ITGA1: variants seen among roughly 807,000 people sequenced by gnomAD.
ITGA1 encodes integrin subunit alpha 1, also known as integrin alpha-1.
Under a neutral mutation model 145.9 loss-of-function variants are expected in ITGA1, and 85 were observed. The observed-to-expected ratio is 0.58, with a 90% CI of 0.49 to 0.70. The LOEUF (loss-of-function observed/expected upper bound fraction) is 0.70. Among genes scored for constraint, ITGA1 ranks in the 30% least tolerant of loss-of-function variants. ITGA1 has a pLI of 0.00. For synonymous variants in ITGA1, 520 were observed against 495.3 expected (o/e 1.05, Z -0.66); for missense variants, 1,351 against 1,418.7 (o/e 0.95, Z 0.77).
At chr5:52,881,120 G>A (rs948942369) in intron 6 of ITGA1, among the ~76,000 whole-genome samples, 4 of 152,196 alleles carry the variant, frequency 2.6e-5, no homozygotes, top group Admixed American at 1.3e-4. Context: ...AGGAAAGAAG[G>A]TGGAGTTGGG....
chr5:52,811,646 C>A (rs937827374), intron 1 of ITGA1, among the ~76,000 whole-genome samples: 1 of 152,056 alleles, frequency 6.6e-6, no homozygotes, highest in Non-Finnish European at 1.5e-5. Context: ...GGTGGTAGGA[C>A]AATTGTTTGA....
intron 6 of ITGA1, among the ~76,000 whole-genome samples, chr5:52,875,441 T>G (rs1749852929): frequency 6.6e-6 from 1 of 152,214 alleles, no homozygotes; most frequent in Non-Finnish European, 1.5e-5. Flanking sequence ...TGCCATAGCC[T>G]GAATCAGCCT....
Position 52,884,870 on chromosome 5 carries a change from T to C in ITGA1, c.773+2849T>C, listed in dbSNP as rs553716348. 4.3e-3 allele frequency among the ~76,000 whole-genome samples: 657 copies of C among 152,312 alleles called. 7 individuals are homozygous for C. Among genetic ancestry groups the C allele is most frequent in the South Asian group, 0.017 (84 of 4,826 alleles). On this transcript the variant is annotated intron_variant, in intron 7 of 28. Transcript: ENST00000282588. ...AATTCAATTCAGTTCTGACACCAACTAGAGTTTATGCAAACCTCCCACAGA... is the reference window on the plus strand; with the variant it reads ...AATTCAATTCAGTTCTGACACCAACCAGAGTTTATGCAAACCTCCCACAGA...
chr5:52,881,293 C>T (rs1032203599), intron 6 of ITGA1, among the ~76,000 whole-genome samples: 1 of 152,152 alleles, frequency 6.6e-6, no homozygotes, highest in Non-Finnish European at 1.5e-5. Context: ...TCTTTCCATT[C>T]TTAGGGTAGA....
intron 11 of ITGA1, chr5:52,904,385 G>A (rs1750364052): frequency 6.6e-6 from 1 of 151,986 alleles, no homozygotes; most frequent in South Asian, 2.1e-4. Flanking sequence ...TACTGAAATA[G>A]AACAAATTTT....
intron 12 of ITGA1, among the ~76,000 whole-genome samples, 192 bp from the exon 13 acceptor site, chr5:52,908,706 G>A (rs958918312): frequency 6.6e-6 from 1 of 152,134 alleles, no homozygotes; most frequent in African/African-American, 2.4e-5. Context: ...CTCAAAGATG[G>A]AACCGACTGA....
Position 52,888,678 on chromosome 5 carries a change from A to T in ITGA1, c.924+713A>T, listed in dbSNP as rs112290564. Among the ~76,000 whole-genome samples the T allele has an allele frequency of 2.4e-3, 364 of 152,354 alleles. 1 individual carries two copies. Among genetic ancestry groups the T allele is most frequent in the Non-Finnish European group, 4.1e-3 (282 of 68,032 alleles). On this transcript the variant is annotated intron_variant, in intron 8 of 28. Coordinates refer to ENST00000282588, the MANE Select transcript of ITGA1 (RefSeq NM_181501.2). ...TAAAAAGTTACCCAAATGGTATGCC[A>T]ATTACTTCAGAGCTAGCTCTAGTTT...
Position 52,911,605 on chromosome 5 carries a change from A to ATATATATAGTGTATCTACTATATATAC in ITGA1, c.1857+1218_1857+1244dup, listed in dbSNP as rs1561246417. Among the ~76,000 whole-genome samples, 73 of 45,324 alleles carry ATATATATAGTGTATCTACTATATATAC rather than the reference A, an allele frequency of 1.6e-3. 1 individual carries two copies. Among genetic ancestry groups the ATATATATAGTGTATCTACTATATATAC allele is most frequent in the Non-Finnish European group, 3.2e-3 (57 of 18,086 alleles). 29.7% of individuals were successfully genotyped at this position (45,324 alleles called of 152,430 possible). A position where few individuals can be genotyped will look rare whatever the true frequency, so the allele number is the denominator to read the frequency against. ...ATATAGTGTATCTACTATATATACTATATATATAGTGTATCTACTATATAT... is the reference window on the plus strand; with the variant it reads ...ATATAGTGTATCTACTATATATACTATATATATAGTGTATCTACTATATATACTATATATAGTGTATCTACTATATAT... On this transcript the variant is annotated intron_variant, in intron 14 of 28. Transcript: ENST00000282588.
chr5:52,835,642 G>A (rs1749150506), intron 1 of ITGA1, among the ~76,000 whole-genome samples: 1 of 152,156 alleles, frequency 6.6e-6, no homozygotes, highest in Admixed American at 6.5e-5. Flanking sequence ...ATTGGGTGAT[G>A]AATTTATAGA....
At chr5:52,910,027 T>C in intron 13 of ITGA1, 135 bp from the exon 14 acceptor site, 2 of 830,280 alleles carry the variant, frequency 2.4e-6, no homozygotes, top group South Asian at 3.8e-5. Flanking sequence ...TAGGCACACT[T>C]TTTAAGAAAT....
intron 1 of ITGA1, among the ~76,000 whole-genome samples, chr5:52,812,853 GA>G (rs1412863927): frequency 8.6e-5 from 11 of 127,636 alleles, no homozygotes; most frequent in African/African-American, 3.5e-4. Context: ...ATCAGCCATG[GA>G]AATATGATGC....
At chr5:52,952,356 C>G in intron 28 of ITGA1, 51 bp from the exon 29 acceptor site, 2 of 973,136 alleles carry the variant, frequency 2.1e-6, no homozygotes, top group Non-Finnish European at 3.0e-6. Context: ...TTAATATTTG[C>G]TACCTAAATT....
At position 52,956,263 on chromosome 5, in the gene ITGA1, T is replaced by C. The variant is rs940049035; in HGVS notation, c.*3812T>C. Reference sequence around the variant, plus strand: ...TCTACTCCATGGGAACTGACTGTCCTGCTTTTCACAACATTGAGAAACAGG... The same window carrying C: ...TCTACTCCATGGGAACTGACTGTCCCGCTTTTCACAACATTGAGAAACAGG... On this transcript the variant is annotated 3_prime_UTR_variant, in exon 29 of 29. Transcript: ENST00000282588. 6.6e-6 allele frequency: 1 copy of C among 152,196 alleles called. No homozygotes were observed. The highest frequency in any genetic ancestry group is 2.1e-4 in the South Asian group (1 of 4,824). 9.4% of individuals were successfully genotyped at this position (152,196 alleles called of 1,614,324 possible).
chr5:52,942,816 C>G (rs1488617530), intron 26 of ITGA1, among the ~76,000 whole-genome samples: 1 of 151,878 alleles, frequency 6.6e-6, no homozygotes, highest in Admixed American at 6.6e-5. Flanking sequence ...GCTGGGATTA[C>G]AGGCGTGAGC....
At chr5:52,948,056 G>A (rs1751161751) in intron 28 of ITGA1, among the ~76,000 whole-genome samples, 1 of 152,082 alleles carries the variant, frequency 6.6e-6, no homozygotes, top group Non-Finnish European at 1.5e-5. Flanking sequence ...CAAATTCTGT[G>A]GTAAATGTGA....
At chr5:52,834,076 A>G (rs1170284581) in intron 1 of ITGA1, among the ~76,000 whole-genome samples, 3 of 152,180 alleles carry the variant, frequency 2.0e-5, no homozygotes, top group African/African-American at 7.2e-5. Context: ...ATAACATAAG[A>G]CAGTCCATGT....
rs74918628 is a variant in ITGA1 at position 52,847,988 on chromosome 5, C to T, written c.62-1377C>T. On this transcript the variant is annotated intron_variant, in intron 1 of 28. Transcript: ENST00000282588. ...AGAACTTCTTTAGGAGACAGTCTTA[C>T]TTACTAAGAGTTTCCACAACCTGTA... 4.7e-3 allele frequency among the ~76,000 whole-genome samples: 712 copies of T among 152,342 alleles called. 33 individuals carry two copies. In the East Asian group the frequency reaches 0.12, roughly 26 times the overall value.
intron 1 of ITGA1, among the ~76,000 whole-genome samples, chr5:52,819,916 A>G (rs1748846348): frequency 6.6e-6 from 1 of 152,100 alleles, no homozygotes; most frequent in South Asian, 2.1e-4. Context: ...TCCTTTCCCC[A>G]TTGCTTGTTT....
Position 52,906,903 on chromosome 5 carries a change from C to G in ITGA1, c.1455+995C>G, listed in dbSNP as rs567085592. Among the ~76,000 whole-genome samples, 8 of 152,306 alleles carry G rather than the reference C, an allele frequency of 5.3e-5. No homozygotes were observed. In the East Asian group the frequency reaches 1.5e-3, roughly 29 times the overall value. ...CACAAACTGCACTCGCTTTAAAGCC[C>G]CATGCCCTGCAGGAGCAGTATCTTT... On this transcript the variant is annotated intron_variant, in intron 12 of 28. Coordinates refer to ENST00000282588, the MANE Select transcript of ITGA1 (RefSeq NM_181501.2).
Sources: allele counts gnomAD v4.1 joint callset (sites outside exome capture counted in the v4.1 genomes callset), GRCh38; gene constraint gnomAD v4.1.1; transcripts MANE v1.5; gene names NCBI Gene and HGNC (gene_info 2026-07-23, HGNC 2026-07-21).